Variants in C4BPA observed in about 807,000 individuals in gnomAD.
C4BPA encodes complement component 4 binding protein alpha, also known as C4b-binding protein alpha chain.
Under a neutral mutation model 63.7 loss-of-function variants are expected in C4BPA, and 31 were observed. The observed-to-expected ratio is 0.49, with a 90% confidence interval of 0.37 to 0.66. The LOEUF is 0.66. C4BPA is among the 30% of genes least tolerant of loss of function. The probability of loss-of-function intolerance (pLI) is 0.00; values close to 1 mark genes in which losing one functional copy is unlikely to be tolerated. For missense variants in C4BPA, 572 were observed against 723.3 expected (o/e 0.79, Z 2.40); for synonymous variants, 259 against 254.7 (o/e 1.02, Z -0.16).
At chr1:207,125,808 AC>A (rs777399836) in intron 6 of C4BPA, among the ~76,000 whole-genome samples, 9 of 152,198 alleles carry the variant, frequency 5.9e-5, no homozygotes, top group Non-Finnish European at 1.0e-4. Context: ...CACCTGTGCA[AC>A]CCTCCAGCCA....
In C4BPA at chr1:207,135,420, G is replaced by T. The variant is rs181830460; in HGVS notation, c.1273+828G>T. Among the ~76,000 whole-genome samples, 92 of 152,230 alleles carry T rather than the reference G, an allele frequency of 6.0e-4. 1 individual carries two copies. The highest frequency in any genetic ancestry group is 2.1e-3 in the African/African-American group (88 of 41,536). The stretch of plus-strand genomic sequence containing the variant: ...ATATCTCTATCTAGCAATGGTGAGG[G>T]CTCATTACCCCTATTAGGAGCCCAA... On this transcript the variant is annotated intron_variant, in intron 9 of 11. Transcript: ENST00000367070.
intron 10 of C4BPA, among the ~76,000 whole-genome samples, chr1:207,143,543 T>G (rs1685466340): frequency 6.6e-6 from 1 of 152,130 alleles, no homozygotes; most frequent in Non-Finnish European, 1.5e-5. Context: ...GCAAGTGTCT[T>G]AATGTATCTC....
At chr1:207,142,753 A>G (rs1255077533) in intron 10 of C4BPA, among the ~76,000 whole-genome samples, 2 of 152,200 alleles carry the variant, frequency 1.3e-5, no homozygotes, top group African/African-American at 4.8e-5. Context: ...TCTTGCAGCA[A>G]TCAAAACTGT....
chr1:207,133,161 A>G (rs951715614), intron 8 of C4BPA, among the ~76,000 whole-genome samples: 1 of 152,248 alleles, frequency 6.6e-6, no homozygotes, highest in East Asian at 1.9e-4. Flanking sequence ...TAGACTCATG[A>G]CTTACATATT....
At chr1:207,115,243 G>T (rs950324664) in intron 3 of C4BPA, among the ~76,000 whole-genome samples, 173 bp from the exon 4 acceptor site, 3 of 152,194 alleles carry the variant, frequency 2.0e-5, no homozygotes, top group African/African-American at 7.2e-5. Context: ...AGAAAAAAAG[G>T]TGATCAAATT....
rs183321956 is a variant in C4BPA at position 207,130,772 on chromosome 1, G to T, written c.890-774G>T. 1.2e-4 allele frequency among the ~76,000 whole-genome samples: 19 copies of T among 152,224 alleles called. No individual in the cohort carries two copies. In the South Asian group the frequency reaches 2.1e-3, roughly 17 times the overall value. ...AGGCAAATCCATAAAGAAAAAAATA[G>T]ATTAGTGGTTGTCAGGACCTAGGGG... On this transcript the variant is annotated intron_variant, in intron 7 of 11. Transcript: ENST00000367070.
chr1:207,116,221 C>G (rs1189053761), intron 4 of C4BPA, among the ~76,000 whole-genome samples: 3 of 152,036 alleles, frequency 2.0e-5, no homozygotes, highest in African/African-American at 7.2e-5. Flanking sequence ...TGAATTTTTC[C>G]CAATGTAAGA....
intron 1 of C4BPA, among the ~76,000 whole-genome samples, chr1:207,111,534 A>G (rs1377675025): frequency 6.6e-6 from 1 of 152,204 alleles, no homozygotes; most frequent in East Asian, 1.9e-4. Context: ...TCTTTACTCA[A>G]TGAAGAAATT....
At chr1:207,134,901 A>G (rs1685246074) in intron 9 of C4BPA, among the ~76,000 whole-genome samples, 1 of 152,214 alleles carries the variant, frequency 6.6e-6, no homozygotes, top group Non-Finnish European at 1.5e-5. Context: ...CTCAATCTGC[A>G]GAAGAAGAAC....
chr1:207,114,083 C>T lies in C4BPA; in HGVS notation c.143-17C>T. On this transcript the variant is annotated splice_polypyrimidine_tract_variant and intron_variant, in intron 2 of 11. Transcript: ENST00000367070. ...CAAGGTATAAGTTTTGGTGCTCCTTCTCATTTTGGTGTCCAGGCAATTGTG... is the reference window on the plus strand; with the variant it reads ...CAAGGTATAAGTTTTGGTGCTCCTTTTCATTTTGGTGTCCAGGCAATTGTG... The T allele has an allele frequency of 1.9e-6, 3 of 1,606,258 alleles. No homozygotes were observed. The highest frequency in any genetic ancestry group is 2.6e-6 in the Non-Finnish European group (3 of 1,175,168).
chr1:207,116,117 T>G (rs1056348195), intron 4 of C4BPA, among the ~76,000 whole-genome samples: 1 of 152,218 alleles, frequency 6.6e-6, no homozygotes, highest in African/African-American at 2.4e-5. Context: ...CTGCTTTCCC[T>G]AAGGGTTTCA....
chr1:207,141,971 C>T (rs1318569855), intron 10 of C4BPA, among the ~76,000 whole-genome samples: 1 of 152,094 alleles, frequency 6.6e-6, no homozygotes, highest in Non-Finnish European at 1.5e-5. Context: ...ACAGAACATG[C>T]AGTTTTGTTA....
In C4BPA at chr1:207,114,194, C is replaced by T. The variant is rs1437030656; in HGVS notation, c.237C>T (p.Tyr79=). 1 of 1,613,756 alleles carries T rather than the reference C, an allele frequency of 6.2e-7. No homozygotes were observed. Among genetic ancestry groups the T allele is most frequent in the Admixed American group, 1.7e-5 (1 of 59,996 alleles). ...TRFKTGTTLK[Y]TCLPGYVRSH... ...TCAAAACTGGAACTACTCTGAAATA[C>T]ACCTGCCTCCCTGGCTACGTCAGAT... is the stretch of plus-strand genomic sequence containing the variant. The change falls in exon 3 of 12, where the codon TAC becomes TAT. Residue 79 remains tyrosine, a synonymous_variant. Coordinates refer to ENST00000367070, the MANE Select transcript of C4BPA (RefSeq NM_000715.4).
intron 9 of C4BPA, among the ~76,000 whole-genome samples, chr1:207,137,378 G>A (rs1685304426): frequency 6.6e-6 from 1 of 152,182 alleles, no homozygotes; most frequent in South Asian, 2.1e-4. Context: ...GGTGGTCGGG[G>A]TACAGCTTGC....
intron 2 of C4BPA, among the ~76,000 whole-genome samples, chr1:207,113,382 A>G (rs573806326): frequency 1.5e-4 from 23 of 152,324 alleles, no homozygotes; most frequent in African/African-American, 5.3e-4. Context: ...TTATTTCTCC[A>G]GGAAAGAATT....
chr1:207,108,426 T>G (rs1572772539), intron 1 of C4BPA, among the ~76,000 whole-genome samples: 1 of 152,238 alleles, frequency 6.6e-6, no homozygotes, highest in Non-Finnish European at 1.5e-5. Flanking sequence ...AAAAAACATT[T>G]GCAAGGTCAG....
Position 207,106,441 on chromosome 1 carries a change from G to GTTTTTTTTTTTTTT in C4BPA, c.-26+2014_-26+2027dup, listed in dbSNP as rs757122192. 4.5e-4 allele frequency among the ~76,000 whole-genome samples: 53 copies of GTTTTTTTTTTTTTT among 118,426 alleles called. 1 individual carries two copies. The highest frequency in any genetic ancestry group is 4.9e-3 in the Middle Eastern group (1 of 206). The allele number at this position is 118,426 out of a possible 152,430, so 77.7% of individuals were successfully genotyped here. ...CTGTCTTATTCCTTCCTCCGTGTAA[G>GTTTTTTTTTTTTTT]TTTTTTTTTTTTTTTTGAAACGGAG... On this transcript the variant is annotated intron_variant, in intron 1 of 11. Coordinates refer to ENST00000367070, the MANE Select transcript of C4BPA (RefSeq NM_000715.4).
intron 1 of C4BPA, among the ~76,000 whole-genome samples, chr1:207,110,014 C>T (rs546028730): frequency 2.0e-5 from 3 of 152,310 alleles, no homozygotes; most frequent in African/African-American, 7.2e-5. Flanking sequence ...ATTCAATGCA[C>T]ATTTTGTGAG....
chr1:207,130,013 G>C (rs1328046471), intron 7 of C4BPA, among the ~76,000 whole-genome samples: 1 of 152,014 alleles, frequency 6.6e-6, no homozygotes, highest in Non-Finnish European at 1.5e-5. Flanking sequence ...TATGTTATAG[G>C]CTTAATAATG....
Sources: gnomAD v4.1 joint callset for allele counts (sites outside exome capture counted in the v4.1 genomes callset) on GRCh38, gnomAD v4.1.1 for gene constraint, MANE v1.5 for transcripts, NCBI Gene and HGNC (gene_info 2026-07-23, HGNC 2026-07-21) for gene names.